Variants in ASRGL1 observed in about 807,000 individuals in gnomAD.
ASRGL1 encodes the protein isoaspartyl peptidase/L-asparaginase.
A neutral mutation model predicts 22.4 loss-of-function variants in ASRGL1; 16 were observed. That is an observed-to-expected ratio of 0.71 (90% CI 0.48 to 1.08). The LOEUF (loss-of-function observed/expected upper bound fraction) is 1.08. Ranked by LOEUF, ASRGL1 falls within the 50% of genes least tolerant of loss-of-function variation. The pLI, the probability that ASRGL1 is intolerant of heterozygous loss-of-function variation, is 0.00. For synonymous variants in ASRGL1, 165 were observed against 159.3 expected, an observed-to-expected ratio of 1.04 and a Z score of -0.27; for missense variants, 412 against 410.1, an observed-to-expected ratio of 1.00 and a Z score of -0.04.
At chr11:62,339,545 A>G (rs1945814271) in intron 2 of ASRGL1, among the ~76,000 whole-genome samples, 1 of 152,216 alleles carries the variant, frequency 6.6e-6, no homozygotes. Flanking sequence ...GCAGTGGTCT[A>G]AGAAATTTGC....
At chr11:62,387,939 A>G (rs1284662084) in intron 4 of ASRGL1, among the ~76,000 whole-genome samples, 2 of 152,312 alleles carry the variant, frequency 1.3e-5, no homozygotes, top group East Asian at 3.9e-4. Context: ...GCGTCTCATG[A>G]CAGGACAAGA....
At chr11:62,347,296 A>G (rs1237614356) in intron 2 of ASRGL1, among the ~76,000 whole-genome samples, 2 of 152,100 alleles carry the variant, frequency 1.3e-5, no homozygotes, top group African/African-American at 2.4e-5. Context: ...TCTAGTTGAC[A>G]TTTCATGGCA....
intron 3 of ASRGL1, 23 bp from the exon 4 acceptor site, chr11:62,356,962 ATT>A (rs1946312695): frequency 6.4e-7 from 1 of 1,565,668 alleles, no homozygotes; most frequent in East Asian, 2.2e-5. Flanking sequence ...AAAAACAATC[ATT>A]TTCTCTTTTC....
At chr11:62,375,453 T>C (rs1309952727) in intron 4 of ASRGL1, among the ~76,000 whole-genome samples, 4 of 79,856 alleles carry the variant, frequency 5.0e-5, no homozygotes, top group African/African-American at 2.4e-4. Context: ...TATATATATA[T>C]ATATATATAT....
At chr11:62,385,280 T>G (rs2034140021) in intron 4 of ASRGL1, among the ~76,000 whole-genome samples, 1 of 152,186 alleles carries the variant, frequency 6.6e-6, no homozygotes, top group Non-Finnish European at 1.5e-5. Flanking sequence ...ACACTCATTT[T>G]TTCCTTTGAA....
At chr11:62,394,159 CAT>C (rs963484310), downstream of ASRGL1, among the ~76,000 whole-genome samples, 8 of 133,146 alleles carry the variant, frequency 6.0e-5, no homozygotes, top group Admixed American at 8.0e-5. Context: ...TTATATAATA[CAT>C]ATATATTATA....
intron 4 of ASRGL1, among the ~76,000 whole-genome samples, chr11:62,364,981 A>AT (rs1348377135): frequency 2.0e-5 from 3 of 151,660 alleles, no homozygotes; most frequent in African/African-American, 7.3e-5. Context: ...AGGCAGTGGA[A>AT]TCGCTTGAAC....
At chr11:62,386,559 C>A (rs545789351) in intron 4 of ASRGL1, among the ~76,000 whole-genome samples, 217 of 102,614 alleles carry the variant, frequency 2.1e-3, no homozygotes, top group Middle Eastern at 6.5e-3. Context: ...AGGTTTCAGG[C>A]ATCCACTGAG....
intron 4 of ASRGL1, among the ~76,000 whole-genome samples, chr11:62,364,594 C>G (rs1422872538): frequency 6.6e-6 from 1 of 152,168 alleles, no homozygotes. Flanking sequence ...GAAACAACTA[C>G]AGTGTCTGTC....
At position 62,392,169 on chromosome 11, in the gene ASRGL1, C is replaced by T; in HGVS notation, c.812C>T (p.Thr271Ile). ...GGTGGCCTCATCGTGGTTAGCAAAACAGGAGACTGGGTGGCAAAGTGGACC... is the reference window on the plus strand; with the variant it reads ...GGTGGCCTCATCGTGGTTAGCAAAATAGGAGACTGGGTGGCAAAGTGGACC... ...GLGGLIVVSKTGDWVAKWTST... is the reference protein window; with the variant it reads ...GLGGLIVVSKIGDWVAKWTST... The change falls in exon 7 of 7, where the codon ACA becomes ATA. Residue 271 changes from threonine (T) to isoleucine (I), a missense_variant. Transcript: ENST00000415229. 1.2e-6 allele frequency: 2 copies of T among 1,614,220 alleles called. No individual in the cohort carries two copies. The highest frequency in any genetic ancestry group is 1.7e-6 in the Non-Finnish European group (2 of 1,180,026).
chr11:62,397,471 T>C (rs2134715406), downstream of ASRGL1, among the ~76,000 whole-genome samples: 1 of 151,974 alleles, frequency 6.6e-6, no homozygotes, highest in Non-Finnish European at 1.5e-5. Context: ...TCGAGACCAG[T>C]CTGACCAACA....
intron 2 of ASRGL1, among the ~76,000 whole-genome samples, chr11:62,355,918 C>T (rs903241643): frequency 2.6e-5 from 4 of 152,168 alleles, no homozygotes; most frequent in African/African-American, 4.8e-5. Flanking sequence ...GCACATGTTT[C>T]AGAGAGCACA....
In ASRGL1 at chr11:62,392,340, A is replaced by C; in HGVS notation, c.*56A>C. ...CTTAGAGGTCAAGTACAGTCTCCTC[A>C]TGAGACATAGCCTAATCAATTAGAT... On this transcript the variant is annotated 3_prime_UTR_variant, in exon 7 of 7. Coordinates refer to ENST00000415229, the MANE Select transcript of ASRGL1 (RefSeq NM_001083926.2). The C allele has an allele frequency of 1.9e-6, 3 of 1,583,814 alleles. No homozygotes were observed. The highest frequency in any genetic ancestry group is 2.2e-5 in the South Asian group (2 of 90,260).
At chr11:62,348,224 T>C (rs147123811) in intron 2 of ASRGL1, among the ~76,000 whole-genome samples, 2 of 152,268 alleles carry the variant, frequency 1.3e-5, no homozygotes, top group East Asian at 3.9e-4. Flanking sequence ...GCTACACAAA[T>C]AAAGATCGTG....
In ASRGL1 at chr11:62,389,233, G is replaced by A. The variant is rs1418665680; in HGVS notation, c.592G>A (p.Gly198Arg). 7 of 1,614,030 alleles carry A rather than the reference G, an allele frequency of 4.3e-6. No individual in the cohort carries two copies. The highest frequency in any genetic ancestry group is 2.2e-5 in the East Asian group (1 of 44,870). Residue 198 changes from glycine to arginine, a missense_variant, in exon 5 of 7, where the codon GGG becomes AGG. Transcript: ENST00000415229. ...CGTTAATAAAATGGTCGGCCGCGTT[G>A]GGGACTCACCGTGTCTAGGTAGGAC... is the stretch of plus-strand genomic sequence containing the variant. ...GIVNKMVGRV[G>R]DSPCLGAGGY... is the part of the protein sequence containing the mutation.
chr11:62,362,886 A>T (rs1590729299), intron 4 of ASRGL1, among the ~76,000 whole-genome samples: 3 of 72,766 alleles, frequency 4.1e-5, no homozygotes, highest in South Asian at 4.8e-4. Flanking sequence ...CCTTTAAAGG[A>T]TTTAATTTTT....
At chr11:62,399,140 C>A in the ASRGL1 span, among the ~76,000 whole-genome samples, 1 of 152,142 alleles carries the variant, frequency 6.6e-6, no homozygotes, top group South Asian at 2.1e-4. Context: ...TGCTTGAACC[C>A]GGGAGGCAGA....
At chr11:62,380,428 C>G (rs1237184502) in intron 4 of ASRGL1, among the ~76,000 whole-genome samples, 3 of 152,074 alleles carry the variant, frequency 2.0e-5, no homozygotes, top group Non-Finnish European at 4.4e-5. Flanking sequence ...ATTTTTTTCC[C>G]AGGCCCTAAG....
At chr11:62,365,728 T>C (rs2134639832) in intron 4 of ASRGL1, among the ~76,000 whole-genome samples, 1 of 152,204 alleles carries the variant, frequency 6.6e-6, no homozygotes, top group Non-Finnish European at 1.5e-5. Flanking sequence ...CACGCACCTG[T>C]AATCTCAGCT....
Sources: allele counts gnomAD v4.1 joint callset (sites outside exome capture counted in the v4.1 genomes callset), GRCh38; gene constraint gnomAD v4.1.1; transcripts MANE v1.5; gene names NCBI Gene and HGNC (gene_info 2026-07-23, HGNC 2026-07-21).